Variants in SLC35F2 observed in about 807,000 individuals in gnomAD.
The protein encoded by SLC35F2 is solute carrier family 35 member F2.
In SLC35F2, 25 loss-of-function variants were observed where a neutral mutation model predicts 38.1. That is an observed-to-expected ratio of 0.66 (90% CI 0.48 to 0.92). SLC35F2 has a LOEUF of 0.92. Ranked by LOEUF, SLC35F2 falls within the 40% of genes least tolerant of loss-of-function variation. SLC35F2 has a pLI of 0.00. For missense variants in SLC35F2, 409 were observed against 452.9 expected (o/e 0.90, Z 0.88); for synonymous variants, 173 against 181.7 (o/e 0.95, Z 0.38).
intron 1 of SLC35F2, among the ~76,000 whole-genome samples, chr11:107,857,353 G>T (rs1311753905): frequency 6.9e-6 from 1 of 145,920 alleles, no homozygotes; most frequent in Non-Finnish European, 1.5e-5. Flanking sequence ...GGGAAGGAAG[G>T]AAGGAGAGAG....
intron 7 of SLC35F2, among the ~76,000 whole-genome samples, chr11:107,799,540 C>T (rs1859272054): frequency 6.6e-6 from 1 of 152,144 alleles, no homozygotes; most frequent in Admixed American, 6.5e-5. Flanking sequence ...AAAATCTGCA[C>T]CCATCAGGAT....
chr11:107,791,469 A>T lies in SLC35F2; in HGVS notation c.*1146T>A, dbSNP rs1439111297. On this transcript the variant is annotated 3_prime_UTR_variant, in exon 8 of 8. Transcript: ENST00000525815. ...TATGGAGCTCTGAAAACTGTTGGAGAGTATGACCTGGGACTGAAACTGTGG... is the reference window on the plus strand; with the variant it reads ...TATGGAGCTCTGAAAACTGTTGGAGTGTATGACCTGGGACTGAAACTGTGG... The T allele has an allele frequency of 6.6e-6, 1 of 152,142 alleles. No individual in the cohort carries two copies. Among genetic ancestry groups the T allele is most frequent in the Admixed American group, 6.6e-5 (1 of 15,252 alleles). The allele number at this position is 152,142 out of a possible 1,614,324, so 9.4% of individuals were successfully genotyped here. A position where few individuals can be genotyped will look rare whatever the true frequency, so the allele number is the denominator to read the frequency against.
Position 107,794,508 on chromosome 11 carries a change from T to G in SLC35F2, c.940-1708A>C, listed in dbSNP as rs371175813. ...ATGTGTAATCAAATACCCAGGGCCT[T>G]ATTTTTCCTTTCAACTGGAAAAGCA... On this transcript the variant is annotated intron_variant, in intron 7 of 7. Coordinates refer to ENST00000525815, the MANE Select transcript of SLC35F2 (RefSeq NM_017515.5). Among the ~76,000 whole-genome samples the G allele has an allele frequency of 4.6e-4, 70 of 152,286 alleles. No homozygotes were observed. In the South Asian group the frequency reaches 6.2e-3, roughly 14 times the overall value.
chr11:107,837,970 G>A (rs1338142807), intron 1 of SLC35F2, among the ~76,000 whole-genome samples: 2 of 133,730 alleles, frequency 1.5e-5, no homozygotes, highest in Non-Finnish European at 3.1e-5. Flanking sequence ...TAATAATTAT[G>A]ACATCTAACA....
intron 1 of SLC35F2, among the ~76,000 whole-genome samples, chr11:107,852,567 T>C (rs1448083993): frequency 7.9e-6 from 1 of 126,580 alleles, no homozygotes; most frequent in South Asian, 2.5e-4. Flanking sequence ...AAAAAAAAAA[T>C]ACAAAATACA....
intron 1 of SLC35F2, among the ~76,000 whole-genome samples, chr11:107,850,766 AC>A (rs1383260075): frequency 1.3e-5 from 2 of 150,050 alleles, no homozygotes; most frequent in Non-Finnish European, 3.0e-5. Context: ...GGCTGCAGTG[AC>A]CCAAAATCAT....
intron 6 of SLC35F2, 101 bp from the exon 7 acceptor site, chr11:107,803,256 A>G (rs2305285): frequency 0.082 from 114,036 of 1,394,334 alleles, 9,598 homozygotes; most frequent in East Asian, 0.44. Context: ...ACCCTTTAAC[A>G]TATTATGTAC....
At chr11:107,836,535 A>C (rs1258850756) in intron 1 of SLC35F2, among the ~76,000 whole-genome samples, 1 of 152,252 alleles carries the variant, frequency 6.6e-6, no homozygotes, top group Non-Finnish European at 1.5e-5. Context: ...CTTTAAAAGC[A>C]AAAACGTTTC....
intron 1 of SLC35F2, among the ~76,000 whole-genome samples, chr11:107,848,713 A>T (rs1295948888): frequency 6.6e-6 from 1 of 152,176 alleles, no homozygotes; most frequent in Admixed American, 6.5e-5. Flanking sequence ...ATTGTTATTA[A>T]TCTGGCATAA....
At chr11:107,851,412 G>A (rs1860183073) in intron 1 of SLC35F2, among the ~76,000 whole-genome samples, 1 of 150,442 alleles carries the variant, frequency 6.6e-6, no homozygotes, top group African/African-American at 2.4e-5. Flanking sequence ...GCAGTGACTG[G>A]AGATTGCGCC....
intron 1 of SLC35F2, among the ~76,000 whole-genome samples, chr11:107,838,302 A>C (rs1859960977): frequency 6.6e-6 from 1 of 152,072 alleles, no homozygotes. Flanking sequence ...TGCCATACTA[A>C]GTACTTATAT....
At chr11:107,857,831 G>T (rs1860318123) in intron 1 of SLC35F2, among the ~76,000 whole-genome samples, 1 of 152,128 alleles carries the variant, frequency 6.6e-6, no homozygotes, top group African/African-American at 2.4e-5. Flanking sequence ...TTCTCCAGCG[G>T]CAAAGTGGAT....
chr11:107,813,334 A>T (rs753370017), intron 2 of SLC35F2, among the ~76,000 whole-genome samples: 6 of 152,130 alleles, frequency 3.9e-5, no homozygotes, highest in Non-Finnish European at 7.4e-5. Flanking sequence ...AATTCCAGCT[A>T]CTAGGGAGGC....
At chr11:107,810,814 G>A (rs530759275) in intron 3 of SLC35F2, 119 of 978,862 alleles carry the variant, frequency 1.2e-4, no homozygotes, top group Middle Eastern at 5.3e-4. Context: ...TTTTCTATGC[G>A]AAATAAGTCT....
intron 1 of SLC35F2, among the ~76,000 whole-genome samples, chr11:107,854,862 A>C: frequency 6.6e-6 from 1 of 152,180 alleles, no homozygotes; most frequent in East Asian, 1.9e-4. Flanking sequence ...ATGTGGTTAT[A>C]AATCTCTCTC....
intron 6 of SLC35F2, chr11:107,803,418 T>G: frequency 2.0e-6 from 2 of 985,372 alleles, no homozygotes; most frequent in South Asian, 9.4e-5. Flanking sequence ...GCTTATGGTG[T>G]GACAGTCCAT....
At chr11:107,829,958 C>T (rs552408793) in intron 1 of SLC35F2, among the ~76,000 whole-genome samples, 1 of 152,064 alleles carries the variant, frequency 6.6e-6, no homozygotes, top group Non-Finnish European at 1.5e-5. Context: ...TTATATTCAT[C>T]ACTACTCCAA....
At chr11:107,837,681 G>T (rs1412252271) in intron 1 of SLC35F2, among the ~76,000 whole-genome samples, 2 of 152,072 alleles carry the variant, frequency 1.3e-5, no homozygotes, top group Non-Finnish European at 2.9e-5. Flanking sequence ...GCGACAGAGT[G>T]AGAGTTTGTC....
rs182775319 is a variant in SLC35F2, at chr11:107,852,035, T to G, written c.110+6623A>C. Among the ~76,000 whole-genome samples the G allele has an allele frequency of 5.3e-5, 8 of 152,308 alleles. No individual in the cohort carries two copies. In the East Asian group the frequency reaches 1.2e-3, roughly 22 times the overall value. The stretch of plus-strand genomic sequence containing the variant: ...CAACTAAATGACTCCTTCAAAAATG[T>G]CTAGGACTTTACCCTGTGGAAGGCG... On this transcript the variant is annotated intron_variant, in intron 1 of 7. Coordinates refer to ENST00000525815, the MANE Select transcript of SLC35F2 (RefSeq NM_017515.5).
Sources: allele counts gnomAD v4.1 joint callset (sites outside exome capture counted in the v4.1 genomes callset), GRCh38; gene constraint gnomAD v4.1.1; transcripts MANE v1.5; gene names NCBI Gene and HGNC (gene_info 2026-07-23, HGNC 2026-07-21).